Variants in NUDT14 observed in about 807,000 individuals in gnomAD.
NUDT14 encodes the protein nudix hydrolase 14.
NUDT14 carries 22 observed loss-of-function variants against 17.5 expected under a neutral mutation model. That is an observed-to-expected ratio of 1.26 (90% CI 0.90 to 1.80). The LOEUF (loss-of-function observed/expected upper bound fraction) is 1.80. Ranked by LOEUF, NUDT14 falls within the 40% of genes most tolerant of loss-of-function variation. NUDT14 has a pLI of 0.00. For missense variants in NUDT14, 296 were observed against 295.6 expected (o/e 1.00, Z -0.01); for synonymous variants, 129 against 125.8 (o/e 1.03, Z -0.17).
rs1448770027 is a variant in NUDT14 at position 105,173,051 on chromosome 14, G to A, written c.639C>T (p.Ser213=). 3.3e-6 allele frequency: 5 copies of A among 1,520,016 alleles called. No homozygotes were observed. The African/African-American group carries it at 7.0e-5, about 21-fold the overall frequency. The allele number at this position is 1,520,016 out of a possible 1,614,324, so 94.2% of individuals were successfully genotyped here. The part of the protein sequence containing the change: ...GVIFGVSWFL[S]QVAPNLDLQ ...GGAGATCCAGGTTGGGGGCCACCTGGCTGAGGAACCATGAGACACCAAAGA... is the reference window on the plus strand; with the variant it reads ...GGAGATCCAGGTTGGGGGCCACCTGACTGAGGAACCATGAGACACCAAAGA... Residue 213 remains serine (S), a synonymous_variant, in exon 5 of 5, where the codon AGC becomes AGT. Transcript: ENST00000392568. The surrounding 1 kb of genome is among the most constrained non-coding windows in gnomAD (Gnocchi z 4.7).
chr14:105,178,831 C>T (rs943983304), intron 1 of NUDT14, among the ~76,000 whole-genome samples: 1 of 152,160 alleles, frequency 6.6e-6, no homozygotes, highest in Non-Finnish European at 1.5e-5. Context: ...CAGGCAGAGG[C>T]GCAGAGGCCC....
rs142840048 is a variant in NUDT14, at chr14:105,176,298, A to C, written c.428+236T>G. The C allele has an allele frequency of 9.9e-3, 5,829 of 590,832 alleles. 251 individuals carry two copies. The highest frequency in any genetic ancestry group is 0.081 in the Admixed American group (2,707 of 33,426). 36.6% of individuals were successfully genotyped at this position (590,832 alleles called of 1,614,324 possible). On this transcript the variant is annotated intron_variant, in intron 4 of 4. Transcript: ENST00000392568. ...CAGCAGCTGTCACCCGGCCTGCCTC[A>C]CACAGCTGGGGGCCGCAGGCTGGGG...
chr14:105,173,916 A>G lies in NUDT14; in HGVS notation c.429-655T>C, dbSNP rs1889158878. On this transcript the variant is annotated intron_variant, in intron 4 of 4. Coordinates refer to ENST00000392568, the MANE Select transcript of NUDT14 (RefSeq NM_177533.5). The surrounding 1 kb of genome is among the most constrained non-coding windows in gnomAD (Gnocchi z 4.7). Reference sequence around the variant, plus strand: ...AGTCTGTGGCCAGCTGCAGAGGCCCATGCCAGACCCCAGCCCATACCCGGG... The same window carrying G: ...AGTCTGTGGCCAGCTGCAGAGGCCCGTGCCAGACCCCAGCCCATACCCGGG... 6.6e-6 allele frequency among the ~76,000 whole-genome samples: 1 copy of G among 151,938 alleles called. No homozygotes were observed.
In NUDT14 at chr14:105,175,997, T is replaced by G. The variant is rs3809462; in HGVS notation, c.428+537A>C. The G allele has an allele frequency of 3.6e-3, 4,585 of 1,268,096 alleles. 169 individuals carry two copies. In the Admixed American group the frequency reaches 0.075, roughly 21 times the overall value. 78.6% of individuals were successfully genotyped at this position (1,268,096 alleles called of 1,614,324 possible). On this transcript the variant is annotated intron_variant, in intron 4 of 4. Transcript: ENST00000392568. ...GCCCATCGTAGCGTCCCTGGGGAAG[T>G]GGATGGGCTTCATACCAACATCTAG...
At chr14:105,176,435 G>A (rs188582508) in intron 4 of NUDT14, 99 bp downstream of exon 4, 49 of 1,005,534 alleles carry the variant, frequency 4.9e-5, no homozygotes, top group Admixed American at 8.8e-5. Flanking sequence ...TGGAAAACAA[G>A]GAGGAATCCA....
In NUDT14 at chr14:105,176,645, C is replaced by G; in HGVS notation, c.317G>C (p.Gly106Ala). ...CGAGAGCCCAGGCTGGTCCACGAGG[C>G]CGGCACACAGCTCAACTGTCACCCC... ...SAGVTVELCA[G>A]LVDQPGLSLE... is the part of the protein sequence containing the mutation. The change falls in exon 4 of 5, where the codon GGC becomes GCC. Residue 106 changes from glycine (G) to alanine (A), a missense_variant. By Grantham distance (60) the Gly-to-Ala change is moderately conservative. Coordinates refer to ENST00000392568, the MANE Select transcript of NUDT14 (RefSeq NM_177533.5). 1 of 1,612,782 alleles carries G rather than the reference C, an allele frequency of 6.2e-7. No homozygotes were observed. The highest frequency in any genetic ancestry group is 8.5e-7 in the Non-Finnish European group (1 of 1,179,982).
chr14:105,174,989 A>C (rs946749072), intron 4 of NUDT14, among the ~76,000 whole-genome samples: 31 of 152,320 alleles, frequency 2.0e-4, no homozygotes, highest in African/African-American at 7.2e-4. Context: ...AGTCAGCAGC[A>C]TCTCCAGTCC....
chr14:105,177,468 T>C, intron 2 of NUDT14: 1 of 573,414 alleles, frequency 1.7e-6, no homozygotes, highest in Non-Finnish European at 3.1e-6. Context: ...CTGCCCACCA[T>C]CATGGTCCCG....
At chr14:105,180,307 A>T (rs1889299911) in intron 1 of NUDT14, among the ~76,000 whole-genome samples, 2 of 152,150 alleles carry the variant, frequency 1.3e-5, no homozygotes, top group Non-Finnish European at 2.9e-5. Flanking sequence ...CTACAAAAAA[A>T]TTTAAACATT....
chr14:105,173,561 G>A lies in NUDT14; in HGVS notation c.429-300C>T, dbSNP rs1189552180. 1.1e-5 allele frequency: 3 copies of A among 282,380 alleles called. No homozygotes were observed. Among genetic ancestry groups the A allele is most frequent in the African/African-American group, 2.2e-5 (1 of 45,846 alleles). 17.5% of individuals were successfully genotyped at this position (282,380 alleles called of 1,614,324 possible). A position where few individuals can be genotyped will look rare whatever the true frequency, so the allele number is the denominator to read the frequency against. On this transcript the variant is annotated intron_variant, in intron 4 of 4. Transcript: ENST00000392568. This position sits in a 1 kb window ranked among gnomAD's most constrained non-coding sequence, Gnocchi z 4.7. ...CATCAGAAGGGAGAGCATCCTAGGC[G>A]GGCATGGCCCGATCACGAAGCCCTC...
At chr14:105,178,238 G>A (rs1158833548) in intron 1 of NUDT14, among the ~76,000 whole-genome samples, 1 of 152,050 alleles carries the variant, frequency 6.6e-6, no homozygotes, top group African/African-American at 2.4e-5. Context: ...GGGAAGGGTG[G>A]CAGGAGGGGC....
chr14:105,179,934 G>A (rs1319430730), intron 1 of NUDT14, among the ~76,000 whole-genome samples: 1 of 152,264 alleles, frequency 6.6e-6, no homozygotes, highest in Non-Finnish European at 1.5e-5. Flanking sequence ...GAGGGAGGCA[G>A]GCAGGCAGAG....
rs587701497 is a variant in NUDT14, at chr14:105,177,511, G to C, written c.125+181C>G. On this transcript the variant is annotated intron_variant, in intron 2 of 4. Coordinates refer to ENST00000392568, the MANE Select transcript of NUDT14 (RefSeq NM_177533.5). Reference sequence around the variant, plus strand: ...GAGCAAAGACCTGACTCAGCCCCCAGGCCTCAGGCTGACCCCTCAGGGATA... The same window carrying C: ...GAGCAAAGACCTGACTCAGCCCCCACGCCTCAGGCTGACCCCTCAGGGATA... 2.0e-5 allele frequency among the ~76,000 whole-genome samples: 3 copies of C among 152,332 alleles called. No individual in the cohort carries two copies. In the South Asian group the frequency reaches 6.2e-4, roughly 32 times the overall value.
At chr14:105,178,684 T>C (rs1355128640) in intron 1 of NUDT14, among the ~76,000 whole-genome samples, 2 of 152,174 alleles carry the variant, frequency 1.3e-5, no homozygotes, top group African/African-American at 4.8e-5. Context: ...CACCGGGGGC[T>C]CTGCCCAGGG....
chr14:105,181,203 G>C lies in NUDT14; in HGVS notation c.7C>G (p.Arg3Gly). Residue 3 changes from arginine (R) to glycine (G), a missense_variant, in exon 1 of 5, where the codon CGC becomes GGC. By Grantham distance (125) the Arg-to-Gly change is moderately radical. Coordinates refer to ENST00000392568, the MANE Select transcript of NUDT14 (RefSeq NM_177533.5). The surrounding 1 kb of genome is among the most constrained non-coding windows in gnomAD (Gnocchi z 5.0). ...CGGCCCACGGACGCCCCCTCGATGC[G>C]CTCCATGGCGGCGCCCGGACAGGCG... ME[R>G]IEGASVGRCA... 1 of 1,157,240 alleles carries C rather than the reference G, an allele frequency of 8.6e-7. No individual in the cohort carries two copies. The highest frequency in any genetic ancestry group is 1.1e-6 in the Non-Finnish European group (1 of 936,136). 71.7% of individuals were successfully genotyped at this position (1,157,240 alleles called of 1,614,324 possible).
chr14:105,177,073 C>T (rs1207360319), intron 2 of NUDT14, 46 bp from the exon 3 acceptor site: 1 of 1,584,928 alleles, frequency 6.3e-7, no homozygotes, highest in Middle Eastern at 1.7e-4. Context: ...TCCACTGGCC[C>T]TCGTGGGGCC....
At chr14:105,174,806 CA>C (rs1889176994) in intron 4 of NUDT14, among the ~76,000 whole-genome samples, 1 of 152,186 alleles carries the variant, frequency 6.6e-6, no homozygotes, top group Non-Finnish European at 1.5e-5. Flanking sequence ...TTCACTCCAT[CA>C]CGCCCCAAGC....
At chr14:105,177,914 G>A (rs1889251047) in intron 1 of NUDT14, among the ~76,000 whole-genome samples, 179 bp from the exon 2 acceptor site, 1 of 152,066 alleles carries the variant, frequency 6.6e-6, no homozygotes, top group Admixed American at 6.5e-5. Flanking sequence ...CCTGGGAGGG[G>A]CAGGGAGGTC....
At chr14:105,178,122 G>A (rs587653249) in intron 1 of NUDT14, among the ~76,000 whole-genome samples, 1 of 152,198 alleles carries the variant, frequency 6.6e-6, no homozygotes, top group East Asian at 1.9e-4. Flanking sequence ...CAGGGCAGGA[G>A]GGCCCTGCAG....
Sources: gnomAD v4.1 joint callset for allele counts (sites outside exome capture counted in the v4.1 genomes callset) on GRCh38, gnomAD v4.1.1 for gene constraint, Gnocchi (gnomAD v3.1) non-coding constraint, MANE v1.5 for transcripts, NCBI Gene and HGNC (gene_info 2026-07-23, HGNC 2026-07-21) for gene names.